The following WASHC5 variants were observed in gnomAD, a reference collection of about 807,000 sequenced individuals.
WASHC5 encodes WASH complex subunit strumpellin.
A neutral mutation model predicts 150.4 loss-of-function variants in WASHC5; 101 were observed. The ratio of observed to expected loss-of-function variants is 0.67; its 90% CI spans 0.57 to 0.79. The LOEUF is 0.79. WASHC5 is among the 30% of genes least tolerant of loss of function. The probability of loss-of-function intolerance (pLI) is 0.00; values close to 1 mark genes in which losing one functional copy is unlikely to be tolerated. For missense variants in WASHC5, 1,195 were observed against 1,396.3 expected (o/e 0.86, Z 2.30); for synonymous variants, 467 against 491.2 (o/e 0.95, Z 0.65).
intron 26 of WASHC5, 116 bp downstream of exon 26, chr8:125,037,121 A>G (rs1815732203): frequency 1.6e-5 from 11 of 709,520 alleles, no homozygotes; most frequent in Non-Finnish European, 2.5e-5. Context: ...ATAAACATAA[A>G]TTTAACTAAG....
intron 28 of WASHC5, 82 bp downstream of exon 28, chr8:125,028,538 T>C: frequency 1.0e-6 from 1 of 989,448 alleles, no homozygotes; most frequent in South Asian, 1.3e-5. Flanking sequence ...CCTATTGGGC[T>C]TCACTCCTGA....
intron 4 of WASHC5, 128 bp from the exon 5 acceptor site, chr8:125,081,889 T>A: frequency 1.4e-6 from 1 of 708,566 alleles, no homozygotes; most frequent in Non-Finnish European, 2.5e-6. Context: ...AAGGAAAAGG[T>A]AGGTTTCCTC....
At chr8:125,055,921 T>C (rs527540664) in intron 16 of WASHC5, among the ~76,000 whole-genome samples, 1 of 152,284 alleles carries the variant, frequency 6.6e-6, no homozygotes, top group East Asian at 1.9e-4. Context: ...TGTCTAAAAT[T>C]TGGGGCAGAA....
chr8:125,055,679 A>G lies in WASHC5; in HGVS notation c.2017-8T>C. Reference sequence around the variant, plus strand: ...ATGAGTAAGCTTGGCAACCTATAACAAAGAAAAAGAGGTATGAAAAATCAC... The same window carrying G: ...ATGAGTAAGCTTGGCAACCTATAACGAAGAAAAAGAGGTATGAAAAATCAC... On this transcript the variant is annotated splice_polypyrimidine_tract_variant and splice_region_variant and intron_variant, in intron 16 of 28. Transcript: ENST00000318410. The G allele has an allele frequency of 6.5e-6, 10 of 1,543,768 alleles. No homozygotes were observed. Among genetic ancestry groups the G allele is most frequent in the Non-Finnish European group, 8.1e-6 (9 of 1,116,222 alleles).
At chr8:125,087,730 C>CAAA (rs35178691) in intron 1 of WASHC5, among the ~76,000 whole-genome samples, 1 of 91,742 alleles carries the variant, frequency 1.1e-5, no homozygotes. Flanking sequence ...GACCCTCTCT[C>CAAA]AAAAAAAAAA....
At chr8:125,086,645 G>T (rs552634521) in intron 1 of WASHC5, among the ~76,000 whole-genome samples, 20 of 152,304 alleles carry the variant, frequency 1.3e-4, no homozygotes, top group Admixed American at 1.0e-3. Context: ...ATAACAGCTT[G>T]TGCCTTCCTT....
chr8:125,051,912 G>C (rs1461390757), intron 17 of WASHC5, among the ~76,000 whole-genome samples: 1 of 152,090 alleles, frequency 6.6e-6, no homozygotes, highest in Non-Finnish European at 1.5e-5. Context: ...ACATAACATA[G>C]TTTTTCAAAT....
chr8:125,051,673 A>G (rs1816243505), intron 17 of WASHC5, among the ~76,000 whole-genome samples: 2 of 152,254 alleles, frequency 1.3e-5, no homozygotes, highest in Non-Finnish European at 2.9e-5. Flanking sequence ...GGATCACCCA[A>G]GGTCAGGAGT....
In WASHC5 at chr8:125,043,873, A is replaced by G. The variant is rs1815969620; in HGVS notation, c.2802T>C (p.Ile934=). The G allele has an allele frequency of 1.2e-6, 2 of 1,613,196 alleles. No individual in the cohort carries two copies. Among genetic ancestry groups the G allele is most frequent in the Non-Finnish European group, 1.7e-6 (2 of 1,179,206 alleles). Residue 934 remains isoleucine (I), a synonymous_variant, in exon 23 of 29, where the codon ATT becomes ATC. Coordinates refer to ENST00000318410, the MANE Select transcript of WASHC5 (RefSeq NM_014846.4). ...CAGTCCAAATCTTCTGTGTTTTGGC[A>G]ATGGCGGAAAAATAAATTTTATTTG... ...ANSNKIYFSA[I]AKTQKIWTAY...
chr8:125,037,454 T>C, intron 25 of WASHC5, 121 bp from the exon 26 acceptor site: 1 of 714,486 alleles, frequency 1.4e-6, no homozygotes, highest in Non-Finnish European at 2.5e-6. Flanking sequence ...TCCTGAAATG[T>C]GGATGGTTCC....
chr8:125,049,756 G>A (rs890281389), intron 18 of WASHC5, among the ~76,000 whole-genome samples: 42 of 151,514 alleles, frequency 2.8e-4, no homozygotes, highest in Non-Finnish European at 1.9e-4. Flanking sequence ...CACAAGAATC[G>A]CTTGAACCCA....
rs72720524 is a variant in WASHC5, at chr8:125,078,802, G to A, written c.647C>T (p.Pro216Leu). Residue 216 changes from proline to leucine, a missense_variant, in exon 6 of 29, where the codon CCT (proline) becomes CTT (leucine). Physicochemically the swap from Pro to Leu is moderately conservative, Grantham distance 98. This residue lies in a region of WASHC5 where 997 missense variants were observed against 1,168.1 expected (regional missense o/e 0.85). Transcript: ENST00000318410. ...CATACTGATGAAGGATTCGTTGATA[G>A]GCACTCTCTGGAAATAGCTCTCGGG... ...NYPESYFQRV[P>L]INESFISMVI... 1,796 of 1,613,926 alleles carry A rather than the reference G, an allele frequency of 1.1e-3. 2 individuals are homozygous for A. Among genetic ancestry groups the A allele is most frequent in the Non-Finnish European group, 1.3e-3 (1,485 of 1,179,890 alleles).
At chr8:125,039,036 G>A (rs1185298112) in intron 24 of WASHC5, 77 bp from the exon 25 acceptor site, 1 of 1,462,228 alleles carries the variant, frequency 6.8e-7, no homozygotes, top group Non-Finnish European at 9.5e-7. Flanking sequence ...GGGCAGTGAT[G>A]TAATCTTTTC....
In WASHC5 at chr8:125,059,452, T is replaced by C. The variant is rs1369727995; in HGVS notation, c.1612A>G (p.Ile538Val). The C allele has an allele frequency of 6.2e-7, 1 of 1,613,938 alleles. No homozygotes were observed. The highest frequency in any genetic ancestry group is 8.5e-7 in the Non-Finnish European group (1 of 1,179,894). The part of the protein sequence containing the change: ...RKFLHQMIRT[I>V]NIKEEVLITM... Reference sequence around the variant, plus strand: ...ATCAGAACCTCCTCTTTAATGTTAATGGTTCTGATCATTTGATGAAGAAAC... The same window carrying C: ...ATCAGAACCTCCTCTTTAATGTTAACGGTTCTGATCATTTGATGAAGAAAC... Residue 538 changes from isoleucine to valine, a missense_variant, in exon 13 of 29, where the codon ATT (isoleucine) becomes GTT (valine). Physicochemically the swap from Ile to Val is conservative, Grantham distance 29. Coordinates refer to ENST00000318410, the MANE Select transcript of WASHC5 (RefSeq NM_014846.4).
intron 25 of WASHC5, among the ~76,000 whole-genome samples, chr8:125,038,590 G>A (rs1445119735): frequency 6.6e-6 from 1 of 152,154 alleles, no homozygotes; most frequent in African/African-American, 2.4e-5. Flanking sequence ...TCTCTTACAC[G>A]GAGGCAGCAC....
intron 11 of WASHC5, among the ~76,000 whole-genome samples, chr8:125,061,517 C>G (rs1816594061): frequency 6.6e-6 from 1 of 152,100 alleles, no homozygotes; most frequent in African/African-American, 2.4e-5. Flanking sequence ...GGAGAATTTT[C>G]TGGAGAAGCG....
intron 1 of WASHC5, among the ~76,000 whole-genome samples, chr8:125,091,312 A>G (rs1817630854): frequency 6.6e-6 from 1 of 152,168 alleles, no homozygotes; most frequent in Admixed American, 6.5e-5. Flanking sequence ...CTCAAAAGCA[A>G]AGAGAAATAA....
chr8:125,062,299 A>T (rs981718622), intron 11 of WASHC5, among the ~76,000 whole-genome samples: 2 of 152,208 alleles, frequency 1.3e-5, no homozygotes, highest in African/African-American at 4.8e-5. Flanking sequence ...ACAGGGTTGT[A>T]AGGATGAGAA....
At chr8:125,046,262 T>C (rs1178015346) in intron 20 of WASHC5, among the ~76,000 whole-genome samples, 1 of 152,100 alleles carries the variant, frequency 6.6e-6, no homozygotes, top group Non-Finnish European at 1.5e-5. Context: ...AAGCTGATCT[T>C]AGTACCAACA....
Sources: gnomAD v4.1 joint callset for allele counts (sites outside exome capture counted in the v4.1 genomes callset) on GRCh38, gnomAD v4.1.1 for gene constraint, gnomAD v4.1.1 regional missense constraint, MANE v1.5 for transcripts, NCBI Gene and HGNC (gene_info 2026-07-23, HGNC 2026-07-21) for gene names.